COPB1: variants seen among roughly 807,000 people sequenced by gnomAD.
COPB1 encodes the protein coat protein complex I subunit beta 1, also known as coatomer subunit beta.
In COPB1, 21 loss-of-function variants were observed where a neutral mutation model predicts 108.7. The observed-to-expected ratio is 0.19, with a 90% CI of 0.14 to 0.28. COPB1 has a LOEUF of 0.28. COPB1 is among the 10% of genes least tolerant of loss of function. The pLI, the probability that COPB1 is intolerant of heterozygous loss-of-function variation, is 1.00. For missense variants in COPB1, 919 were observed against 1,141.3 expected, an observed-to-expected ratio of 0.81 and a Z score of 2.81; for synonymous variants, 378 against 386.8, an observed-to-expected ratio of 0.98 and a Z score of 0.27.
chr11:14,488,477 G>A lies in COPB1; in HGVS notation c.699+15C>T. 9 of 1,551,608 alleles carry A rather than the reference G, an allele frequency of 5.8e-6. No homozygotes were observed. The highest frequency in any genetic ancestry group is 8.0e-6 in the Non-Finnish European group (9 of 1,131,530). ...TGCTGAGTTTATTTTACTCATCATAGATTATCATTCTTACCTTATAAATCA... is the reference window on the plus strand; with the variant it reads ...TGCTGAGTTTATTTTACTCATCATAAATTATCATTCTTACCTTATAAATCA... On this transcript the variant is annotated intron_variant, in intron 6 of 21. Coordinates refer to ENST00000439561, the MANE Select transcript of COPB1 (RefSeq NM_001144061.2).
At chr11:14,488,930 TCTC>T (rs1041256671) in intron 5 of COPB1, among the ~76,000 whole-genome samples, 3 of 152,010 alleles carry the variant, frequency 2.0e-5, no homozygotes, top group Non-Finnish European at 4.4e-5. Context: ...AAAAGAAAAA[TCTC>T]CTATGTGTCC....
intron 14 of COPB1, 60 bp from the exon 15 acceptor site, chr11:14,469,623 C>T: frequency 7.4e-7 from 1 of 1,358,858 alleles, no homozygotes; most frequent in Non-Finnish European, 1.0e-6. Context: ...GCAATCATGT[C>T]ACTTCATTAT....
At chr11:14,469,087 T>G (rs1330221040) in intron 15 of COPB1, among the ~76,000 whole-genome samples, 1 of 152,148 alleles carries the variant, frequency 6.6e-6, no homozygotes, top group East Asian at 1.9e-4. Context: ...CTCGAACTCT[T>G]AGATTCAAAC....
chr11:14,470,473 C>T (rs1387170554), intron 14 of COPB1, among the ~76,000 whole-genome samples: 6 of 152,200 alleles, frequency 3.9e-5, no homozygotes, highest in Admixed American at 3.9e-4. Context: ...TACTGAAGTC[C>T]GTATTACTTA....
intron 18 of COPB1, among the ~76,000 whole-genome samples, chr11:14,463,233 CCT>C (rs1197085664): frequency 2.6e-5 from 4 of 152,254 alleles, no homozygotes; most frequent in Admixed American, 2.6e-4. Context: ...TCAAATCTCC[CCT>C]CTTTTTAGTC....
In COPB1 at chr11:14,466,291, CT is replaced by C; in HGVS notation, c.2280del (p.Ala761LeufsTer3). 1 of 1,613,236 alleles carries C rather than the reference CT, an allele frequency of 6.2e-7. No homozygotes were observed. The highest frequency in any genetic ancestry group is 8.5e-7 in the Non-Finnish European group (1 of 1,179,578). On this transcript the variant is annotated frameshift_variant, in exon 17 of 22. Coordinates refer to ENST00000439561, the MANE Select transcript of COPB1 (RefSeq NM_001144061.2). LOFTEE classifies it high-confidence loss of function. ...SDTLQNCTLE[L>X]ATLGDLKLVE... is the part of the protein sequence containing the mutation. ...TGGTAAGTTTCCTCACCTAGTGTAG[CT>C]AGTTCTAATGTGCAATTCTGCAAAG... is the stretch of plus-strand genomic sequence containing the variant.
intron 7 of COPB1, 61 bp from the exon 8 acceptor site, chr11:14,483,212 A>C: frequency 8.1e-7 from 1 of 1,231,156 alleles, no homozygotes; most frequent in Non-Finnish European, 1.1e-6. Flanking sequence ...TTTGAAAATA[A>C]GCATGCGCGC....
At position 14,472,374 on chromosome 11, in the gene COPB1, C is replaced by T. The variant is rs187618920; in HGVS notation, c.1737+2121G>A. Among the ~76,000 whole-genome samples the T allele has an allele frequency of 2.4e-4, 37 of 152,248 alleles. No individual in the cohort carries two copies. In the East Asian group the frequency reaches 4.2e-3, roughly 17 times the overall value. On this transcript the variant is annotated intron_variant, in intron 14 of 21. Coordinates refer to ENST00000439561, the MANE Select transcript of COPB1 (RefSeq NM_001144061.2). ...GCTTAAAATACTTAGTAAGCCATCC[C>T]GTAAAGAGGATGTGCTGACATCCAG... is the stretch of plus-strand genomic sequence containing the variant.
In COPB1 at chr11:14,481,085, C is replaced by G; in HGVS notation, c.970G>C (p.Asp324His). The G allele has an allele frequency of 6.2e-7, 1 of 1,608,600 alleles. No individual in the cohort carries two copies. The highest frequency in any genetic ancestry group is 8.5e-7 in the Non-Finnish European group (1 of 1,178,278). The change falls in exon 9 of 22, where the codon GAT (aspartate) becomes CAT (histidine). Residue 324 changes from aspartate (D) to histidine (H), a missense_variant. Coordinates refer to ENST00000439561, the MANE Select transcript of COPB1 (RefSeq NM_001144061.2). The stretch of plus-strand genomic sequence containing the variant: ...GGTGTGCTCAATACTCTTAGGATAT[C>G]CATAACCAGATCCTAAAAAAGAAGA... ...HERVLQDLVM[D>H]ILRVLSTPDL...
intron 7 of COPB1, among the ~76,000 whole-genome samples, chr11:14,485,343 G>C (rs74800493): frequency 6.6e-6 from 1 of 151,896 alleles, no homozygotes; most frequent in African/African-American, 2.4e-5. Context: ...AAAAAAAAAG[G>C]TTCTGTACAG....
At position 14,498,999 on chromosome 11, in the gene COPB1, C is replaced by T. The variant is rs1489939562; in HGVS notation, c.-57-14G>A. On this transcript the variant is annotated splice_polypyrimidine_tract_variant and intron_variant, in intron 1 of 21. Transcript: ENST00000439561. Reference sequence around the variant, plus strand: ...ATGCCAGAAAATCTAGAAAAATAAACACAGACATATCATTACAAATTAAAA... The same window carrying T: ...ATGCCAGAAAATCTAGAAAAATAAATACAGACATATCATTACAAATTAAAA... 14 of 1,190,038 alleles carry T rather than the reference C, an allele frequency of 1.2e-5. No individual in the cohort carries two copies. Among genetic ancestry groups the T allele is most frequent in the African/African-American group, 1.6e-5 (1 of 61,362 alleles). The allele number at this position is 1,190,038 out of a possible 1,614,324, so 73.7% of individuals were successfully genotyped here.
At chr11:14,492,345 T>A (rs963381184) in intron 4 of COPB1, among the ~76,000 whole-genome samples, 7 of 151,612 alleles carry the variant, frequency 4.6e-5, no homozygotes, top group Non-Finnish European at 8.8e-5. Flanking sequence ...TATTATTATT[T>A]TTATTATTAT....
intron 14 of COPB1, among the ~76,000 whole-genome samples, chr11:14,471,888 C>T (rs942519910): frequency 6.6e-6 from 1 of 152,138 alleles, no homozygotes; most frequent in African/African-American, 2.4e-5. Context: ...TGCCATGGCA[C>T]TCCGGCCTGG....
At position 14,480,786 on chromosome 11, in the gene COPB1, T is replaced by G. The variant is rs1942100520; in HGVS notation, c.1185A>C (p.Pro395=). Residue 395 remains proline (P), a synonymous_variant, in exon 10 of 22, where the codon CCA becomes CCC. Transcript: ENST00000439561. ...RTLHSCSVRF[P]DMAANVIPVL... Reference sequence around the variant, plus strand: ...CAGGAATAACATTTGCAGCCATATCTGGAAATCGGACAGAACAGGAATGCA... The same window carrying G: ...CAGGAATAACATTTGCAGCCATATCGGGAAATCGGACAGAACAGGAATGCA... 1 of 1,613,978 alleles carries G rather than the reference T, an allele frequency of 6.2e-7. No homozygotes were observed. The highest frequency in any genetic ancestry group is 8.5e-7 in the Non-Finnish European group (1 of 1,179,938).
At chr11:14,479,811 T>A in intron 10 of COPB1, 97 bp from the exon 11 acceptor site, 1 of 1,247,880 alleles carries the variant, frequency 8.0e-7, no homozygotes, top group Non-Finnish European at 1.1e-6. Flanking sequence ...AATTCTTTTT[T>A]TGTTTTCTAA....
intron 8 of COPB1, among the ~76,000 whole-genome samples, chr11:14,482,027 G>C (rs762556882): frequency 6.6e-6 from 1 of 152,004 alleles, no homozygotes; most frequent in Non-Finnish European, 1.5e-5. Flanking sequence ...CCTGACCTCA[G>C]GTGATCCACC....
chr11:14,459,279 A>G (rs988297061), intron 20 of COPB1, among the ~76,000 whole-genome samples: 1 of 152,204 alleles, frequency 6.6e-6, no homozygotes, highest in African/African-American at 2.4e-5. Flanking sequence ...CTCCCATATC[A>G]GACCTTAAGC....
chr11:14,458,683 A>C lies in COPB1; in HGVS notation c.2651T>G (p.Leu884Arg). 2.5e-6 allele frequency: 4 copies of C among 1,608,174 alleles called. No homozygotes were observed. The highest frequency in any genetic ancestry group is 3.4e-6 in the Non-Finnish European group (4 of 1,178,156). The change falls in exon 21 of 22, where the codon CTT becomes CGT. Residue 884 changes from leucine to arginine, a missense_variant. Physicochemically the swap from Leu to Arg is moderately radical, Grantham distance 102 (BLOSUM62 -2). Coordinates refer to ENST00000439561, the MANE Select transcript of COPB1 (RefSeq NM_001144061.2). ...NMKCLTPEKA[L>R]SGYCGFMAAN... ...TGCCATAAAGCCACAGTAACCAGAA[A>C]GGGCCTGGAAAAAATTTGTGATAAA...
chr11:14,498,421 C>T (rs1013852925), intron 2 of COPB1, among the ~76,000 whole-genome samples: 9 of 152,254 alleles, frequency 5.9e-5, no homozygotes, highest in Non-Finnish European at 1.3e-4. Flanking sequence ...CCAGTGTTCA[C>T]CTAATTGTTT....
Sources: allele counts gnomAD v4.1 joint callset (sites outside exome capture counted in the v4.1 genomes callset), GRCh38; gene constraint gnomAD v4.1.1; transcripts MANE v1.5; gene names NCBI Gene and HGNC (gene_info 2026-07-23, HGNC 2026-07-21).